Variants in ADAD2 observed in about 807,000 individuals in gnomAD.
ADAD2 encodes the protein adenosine deaminase domain-containing protein 2.
A neutral mutation model predicts 54.5 loss-of-function variants in ADAD2; 60 were observed. The observed-to-expected ratio is 1.10, with a 90% CI of 0.89 to 1.36. The LOEUF (loss-of-function observed/expected upper bound fraction) is 1.36. Ranked by LOEUF, ADAD2 falls within the 40% of genes most tolerant of loss-of-function variation. The pLI is 0.00. For synonymous variants in ADAD2, 543 were observed against 366.2 expected (o/e 1.48, Z -5.51); for missense variants, 1,103 against 801.3 (o/e 1.38, Z -4.54).
Position 84,196,850 on chromosome 16 carries a change from C to T in ADAD2, c.1648-20C>T, listed in dbSNP as rs1597602196. On this transcript the variant is annotated intron_variant, in intron 9 of 9. Transcript: ENST00000315906. The stretch of plus-strand genomic sequence containing the variant: ...CCTGCAGGTACCTCCTCTCACCCCA[C>T]CTCTCATCTCCCGCCCTAGGCTGGG... 2.5e-6 allele frequency: 4 copies of T among 1,591,388 alleles called. No homozygotes were observed. Among genetic ancestry groups the T allele is most frequent in the Non-Finnish European group, 3.4e-6 (4 of 1,166,600 alleles).
Position 84,194,922 on chromosome 16 carries a change from G to A in ADAD2, c.560-11G>A, listed in dbSNP as rs2089706383. 1.2e-6 allele frequency: 2 copies of A among 1,601,224 alleles called. No individual in the cohort carries two copies. The highest frequency in any genetic ancestry group is 1.7e-6 in the Non-Finnish European group (2 of 1,174,390). ...GCACCCACACCAGCCCGCCCTCCTT[G>A]CCTCTTTCAGAGTCCCCCCAGACCT... On this transcript the variant is annotated splice_polypyrimidine_tract_variant and intron_variant, in intron 2 of 9. Transcript: ENST00000315906.
intron 2 of ADAD2, 96 bp from the exon 3 acceptor site, chr16:84,194,837 A>T (rs1465198900): frequency 7.2e-7 from 1 of 1,388,044 alleles, no homozygotes; most frequent in East Asian, 2.5e-5. Flanking sequence ...CTGTGTCTGG[A>T]AGATGAAAAC....
chr16:84,194,762 C>G, intron 2 of ADAD2, 171 bp from the exon 3 acceptor site: 1 of 1,291,970 alleles, frequency 7.7e-7, no homozygotes, highest in Non-Finnish European at 1.1e-6. Flanking sequence ...GTGCCGGTCC[C>G]TGCTTTCACG....
At position 84,195,049 on chromosome 16, in the gene ADAD2, A is replaced by G. The variant is rs1465828471; in HGVS notation, c.608-20A>G. On this transcript the variant is annotated intron_variant, in intron 3 of 9. Transcript: ENST00000315906. ...GAGGCGTGGGCCCCCTTCTACCTGC[A>G]GTCTCTCGCCCTGGCGCAGAGAACA... is the stretch of plus-strand genomic sequence containing the variant. The G allele has an allele frequency of 6.2e-7, 1 of 1,612,580 alleles. No individual in the cohort carries two copies. The highest frequency in any genetic ancestry group is 1.3e-5 in the African/African-American group (1 of 74,936).
chr16:84,191,356 C>T lies in ADAD2; in HGVS notation c.126C>T (p.Ala42=). ...CGCTACCCGCCCAGGCCCAAAGTGCCTGGGGGCCCGCGCCCGCGCCCGCGA... is the reference window on the plus strand; with the variant it reads ...CGCTACCCGCCCAGGCCCAAAGTGCTTGGGGGCCCGCGCCCGCGCCCGCGA... ...WRPLPAQAQS[A]WGPAPAPATY... The change falls in exon 1 of 10, where the codon GCC becomes GCT. Residue 42 remains alanine, a synonymous_variant. Coordinates refer to ENST00000315906, the MANE Select transcript of ADAD2 (RefSeq NM_001145400.2). 1.9e-6 allele frequency: 3 copies of T among 1,560,320 alleles called. No individual in the cohort carries two copies. The highest frequency in any genetic ancestry group is 2.6e-6 in the Non-Finnish European group (3 of 1,157,072).
intron 5 of ADAD2, 33 bp from the exon 6 acceptor site, chr16:84,195,497 T>C (rs1212904694): frequency 1.9e-6 from 3 of 1,604,260 alleles, no homozygotes; most frequent in East Asian, 4.5e-5. Flanking sequence ...CAGGACAAGG[T>C]CTTCCCAACC....
chr16:84,194,961 A>C lies in ADAD2; in HGVS notation c.588A>C (p.Pro196=). ...CCCCCCAGACCTCCAGCCGGCCTCC[A>C]CTGGCCCCCCTGAGCGTAGGTAGGT... The part of the protein sequence containing the change: ...PESPQTSSRP[P]LAPLSVENIL... The change falls in exon 3 of 10, where the codon CCA becomes CCC. Residue 196 remains proline (P), a synonymous_variant. Transcript: ENST00000315906. The C allele has an allele frequency of 1.9e-6, 3 of 1,612,474 alleles. No individual in the cohort carries two copies. Among genetic ancestry groups the C allele is most frequent in the Non-Finnish European group, 2.5e-6 (3 of 1,179,484 alleles).
chr16:84,192,007 G>A, intron 1 of ADAD2: 2 of 414,698 alleles, frequency 4.8e-6, no homozygotes, highest in South Asian at 4.3e-5. Context: ...CGAAATGGGA[G>A]CCACTCCCCT....
chr16:84,196,362 G>A lies in ADAD2; in HGVS notation c.1518G>A (p.Val506=). 1 of 1,611,666 alleles carries A rather than the reference G, an allele frequency of 6.2e-7. No individual in the cohort carries two copies. The highest frequency in any genetic ancestry group is 2.2e-5 in the East Asian group (1 of 44,858). The change falls in exon 8 of 10, where the codon GTG becomes GTA. Residue 506 remains valine, a synonymous_variant. Coordinates refer to ENST00000315906, the MANE Select transcript of ADAD2 (RefSeq NM_001145400.2). ...IEVVDVATGR[V]KANAALGPPS... ...TTGTGGATGTGGCCACCGGGCGTGTGAAGGCCAAGTGAGAAGGGCCCCCTG... is the reference window on the plus strand; with the variant it reads ...TTGTGGATGTGGCCACCGGGCGTGTAAAGGCCAAGTGAGAAGGGCCCCCTG...
In ADAD2 at chr16:84,194,967, C is replaced by A; in HGVS notation, c.594C>A (p.Ala198=). ...AGACCTCCAGCCGGCCTCCACTGGC[C>A]CCCCTGAGCGTAGGTAGGTGAGCAT... ...SPQTSSRPPL[A]PLSVENILTH... is the part of the protein sequence containing the mutation. The change falls in exon 3 of 10, where the codon GCC becomes GCA. Residue 198 remains alanine, a synonymous_variant. Transcript: ENST00000315906. The A allele has an allele frequency of 1.2e-6, 2 of 1,612,100 alleles. No individual in the cohort carries two copies. The highest frequency in any genetic ancestry group is 1.7e-6 in the Non-Finnish European group (2 of 1,179,430).
chr16:84,196,307 A>G lies in ADAD2; in HGVS notation c.1463A>G (p.Asn488Ser), dbSNP rs2089729995. 2.5e-6 allele frequency: 4 copies of G among 1,612,902 alleles called. No individual in the cohort carries two copies. The highest frequency in any genetic ancestry group is 2.2e-5 in the East Asian group (1 of 44,840). Residue 488 changes from asparagine to serine, a missense_variant, in exon 8 of 10, where the codon AAC becomes AGC. Coordinates refer to ENST00000315906, the MANE Select transcript of ADAD2 (RefSeq NM_001145400.2). The part of the protein sequence containing the change: ...TPDTCRGLSL[N>S]WSLGDPGIEV... ...GACACCTGCCGTGGCCTGAGCCTCA[A>G]CTGGAGCCTGGGGGACCCTGGCATC... is the stretch of plus-strand genomic sequence containing the variant.
Position 84,195,139 on chromosome 16 carries a change from G to A in ADAD2, c.678G>A (p.Glu226=), listed in dbSNP as rs768719227. The change falls in exon 4 of 10, where the codon GAG becomes GAA. Residue 226 remains glutamate (E), a synonymous_variant. Transcript: ENST00000315906. ...CCGGCTTTGACCTCCTGTTGGACGA[G>A]CGCTCGCCATACTGGGCCTGTAAGG... The part of the protein sequence containing the change: ...VSAGFDLLLD[E]RSPYWACKGT... The A allele has an allele frequency of 2.5e-6, 4 of 1,613,592 alleles. No homozygotes were observed. Among genetic ancestry groups the A allele is most frequent in the Non-Finnish European group, 3.4e-6 (4 of 1,180,004 alleles).
At position 84,196,722 on chromosome 16, in the gene ADAD2, G is replaced by A; in HGVS notation, c.1602G>A (p.Val534=). 6.2e-7 allele frequency: 1 copy of A among 1,613,090 alleles called. No individual in the cohort carries two copies. The highest frequency in any genetic ancestry group is 8.5e-7 in the Non-Finnish European group (1 of 1,179,966). Residue 534 remains valine, a synonymous_variant, in exon 9 of 10, where the codon GTG becomes GTA. Transcript: ENST00000315906. ...CCTTTCACCAGGCGGCCAGGGCTGT[G>A]GGGAAGCCCTACCTCCTGGCCTTGA... is the stretch of plus-strand genomic sequence containing the variant. The part of the protein sequence containing the change: ...LRAFHQAARA[V]GKPYLLALKT...
At position 84,191,892 on chromosome 16, in the gene ADAD2, C is replaced by A. The variant is rs570953779; in HGVS notation, c.418+244C>A. ...GAAAGAGTCATGGCAGGTGAACATT[C>A]TTCCCACCTGACTTCCAGGGAGGTT... On this transcript the variant is annotated intron_variant, in intron 1 of 9. Coordinates refer to ENST00000315906, the MANE Select transcript of ADAD2 (RefSeq NM_001145400.2). 118 of 634,192 alleles carry A rather than the reference C, an allele frequency of 1.9e-4. No individual in the cohort carries two copies. The African/African-American group carries it at 1.9e-3, about 10-fold the overall frequency. 39.3% of individuals were successfully genotyped at this position (634,192 alleles called of 1,614,324 possible). A position where few individuals can be genotyped will look rare whatever the true frequency, so the allele number is the denominator to read the frequency against.
In ADAD2 at chr16:84,191,361, G is replaced by GGCCCGC. The variant is rs554488585; in HGVS notation, c.145_150dup (p.Pro49_Ala50dup). 2.6e-4 allele frequency: 410 copies of GGCCCGC among 1,549,212 alleles called. 2 individuals carry two copies. The East Asian group carries it at 7.1e-3, about 27-fold the overall frequency. ...CCCGCCCAGGCCCAAAGTGCCTGGG[G>GGCCCGC]GCCCGCGCCCGCGCCCGCGACGTAT... On this transcript the variant is annotated inframe_insertion, in exon 1 of 10. Coordinates refer to ENST00000315906, the MANE Select transcript of ADAD2 (RefSeq NM_001145400.2).
intron 1 of ADAD2, among the ~76,000 whole-genome samples, chr16:84,192,395 C>T: frequency 6.6e-6 from 1 of 152,236 alleles, no homozygotes; most frequent in Non-Finnish European, 1.5e-5. Context: ...AGCTATCTGA[C>T]CTCCTGGGCC....
In ADAD2 at chr16:84,196,134, A is replaced by C; in HGVS notation, c.1290A>C (p.Ser430=). The change falls in exon 8 of 10, where the codon TCA becomes TCC. Residue 430 remains serine, a synonymous_variant. Coordinates refer to ENST00000315906, the MANE Select transcript of ADAD2 (RefSeq NM_001145400.2). ...LYSTSLILAD[S]CHDPPTLSRA... ...GTCCCTTCTGCCCTGCAGCTGACTCATGCCACGACCCTCCGACTCTGAGCA... is the reference window on the plus strand; with the variant it reads ...GTCCCTTCTGCCCTGCAGCTGACTCCTGCCACGACCCTCCGACTCTGAGCA... The C allele has an allele frequency of 2.5e-6, 4 of 1,602,514 alleles. No homozygotes were observed. Among genetic ancestry groups the C allele is most frequent in the Non-Finnish European group, 3.4e-6 (4 of 1,179,712 alleles).
rs140440878 is a variant in ADAD2, at chr16:84,192,875, C to A, written c.418+1227C>A. On this transcript the variant is annotated intron_variant, in intron 1 of 9. Coordinates refer to ENST00000315906, the MANE Select transcript of ADAD2 (RefSeq NM_001145400.2). The stretch of plus-strand genomic sequence containing the variant: ...TTTTTTTTCCTTTGAGACAGAGTCT[C>A]GCTCTGTGGCCCAGGCTGGAGTGCA... The A allele has an allele frequency of 2.0e-5, 3 of 146,846 alleles. No individual in the cohort carries two copies. The South Asian group carries it at 6.7e-4, about 33-fold the overall frequency. The allele number at this position is 146,846 out of a possible 1,614,324, so 9.1% of individuals were successfully genotyped here.
In ADAD2 at chr16:84,196,144, C is replaced by T. The variant is rs369532147; in HGVS notation, c.1300C>T (p.Pro434Ser). Residue 434 changes from proline to serine, a missense_variant, in exon 8 of 10, where the codon CCT becomes TCT. Transcript: ENST00000315906. ...CCCTGCAGCTGACTCATGCCACGACCCTCCGACTCTGAGCAGGGCCATCCA... is the reference window on the plus strand; with the variant it reads ...CCCTGCAGCTGACTCATGCCACGACTCTCCGACTCTGAGCAGGGCCATCCA... ...SLILADSCHD[P>S]PTLSRAIHTR... The T allele has an allele frequency of 2.5e-6, 4 of 1,603,964 alleles. No homozygotes were observed. In the Admixed American group the frequency reaches 5.0e-5, roughly 20 times the overall value.
Sources: allele counts gnomAD v4.1 joint callset (sites outside exome capture counted in the v4.1 genomes callset), GRCh38; gene constraint gnomAD v4.1.1; transcripts MANE v1.5; gene names NCBI Gene and HGNC (gene_info 2026-07-23, HGNC 2026-07-21).